The following GHITM variants were observed in gnomAD, a reference collection of about 807,000 sequenced individuals.
GHITM encodes the protein growth hormone inducible transmembrane protein.
A neutral mutation model predicts 38.7 loss-of-function variants in GHITM; 24 were observed. The ratio of observed to expected loss-of-function variants is 0.62; its 90% CI spans 0.45 to 0.87. The LOEUF (loss-of-function observed/expected upper bound fraction) is 0.87. Among genes scored for constraint, GHITM ranks in the 40% least tolerant of loss-of-function variants. The pLI is 0.00. For missense variants in GHITM, 420 were observed against 429.8 expected, an observed-to-expected ratio of 0.98 and a Z score of 0.20; for synonymous variants, 154 against 147.8, an observed-to-expected ratio of 1.04 and a Z score of -0.30.
intron 7 of GHITM, 126 bp from the exon 8 acceptor site, chr10:84,150,583 G>T: frequency 1.5e-6 from 1 of 681,226 alleles, no homozygotes; most frequent in Non-Finnish European, 2.4e-6. Flanking sequence ...GACAGTACAT[G>T]TACCCAGATG....
At chr10:84,142,832 A>G (rs1589274619) in intron 3 of GHITM, 78 bp downstream of exon 3, 1 of 694,218 alleles carries the variant, frequency 1.4e-6, no homozygotes, top group Non-Finnish European at 2.5e-6. Context: ...TCCTAAAAAT[A>G]TATGTGTATT....
At chr10:84,143,924 CTTGATAAATATTT>C in intron 3 of GHITM, 58 bp from the exon 4 acceptor site, 1 of 1,021,700 alleles carries the variant, frequency 9.8e-7, no homozygotes, top group Non-Finnish European at 1.6e-6. Flanking sequence ...ATTTGATTCC[CTTGATAAATATTT>C]TAAAGGCTTT....
At chr10:84,148,888 T>C in intron 6 of GHITM, 50 bp downstream of exon 6, 1 of 1,080,398 alleles carries the variant, frequency 9.3e-7, no homozygotes, top group Non-Finnish European at 1.4e-6. Flanking sequence ...ACCACCTTTT[T>C]TGGGTGGCTC....
intron 4 of GHITM, 124 bp from the exon 5 acceptor site, chr10:84,144,751 A>T (rs1259292099): frequency 1.8e-6 from 1 of 554,062 alleles, no homozygotes; most frequent in Non-Finnish European, 3.2e-6. Flanking sequence ...TATTTCCATG[A>T]TAAATGAAGT....
chr10:84,150,388 A>G lies in GHITM; in HGVS notation c.781+145A>G, dbSNP rs189937536. ...ATTTGACTGGATTTTACTACCTGAC[A>G]TCATATAAAAATCATGGCAACATGG... On this transcript the variant is annotated intron_variant, in intron 7 of 8. Coordinates refer to ENST00000372134, the MANE Select transcript of GHITM (RefSeq NM_014394.3). 6.5e-5 allele frequency: 43 copies of G among 656,774 alleles called. No individual in the cohort carries two copies. The East Asian group carries it at 1.2e-3, about 18-fold the overall frequency. 40.7% of individuals were successfully genotyped at this position (656,774 alleles called of 1,614,324 possible).
chr10:84,146,995 G>A (rs925832726), intron 5 of GHITM, among the ~76,000 whole-genome samples: 1 of 152,152 alleles, frequency 6.6e-6, no homozygotes, highest in Non-Finnish European at 1.5e-5. Context: ...TTTGAGATGA[G>A]ACAGTACCAG....
At chr10:84,151,027 G>C in intron 8 of GHITM, 147 bp downstream of exon 8, 1 of 557,546 alleles carries the variant, frequency 1.8e-6, no homozygotes, top group Non-Finnish European at 3.2e-6. Context: ...AACAAAACTT[G>C]ATTCTCTTGT....
In GHITM at chr10:84,150,771, G is replaced by A. The variant is rs762040867; in HGVS notation, c.844G>A (p.Gly282Ser). 11 of 1,612,510 alleles carry A rather than the reference G, an allele frequency of 6.8e-6. No homozygotes were observed. The highest frequency in any genetic ancestry group is 3.3e-5 in the Admixed American group (2 of 59,992). ...CACTCTTTACTCAGTGGCAATGTAC[G>A]GTGGATTAGTTCTTTTCAGCATGTT... The part of the protein sequence containing the change: ...GATLYSVAMY[G>S]GLVLFSMFLL... The change falls in exon 8 of 9, where the codon GGT becomes AGT. Residue 282 changes from glycine (G) to serine (S), a missense_variant. Gly to Ser is a moderately conservative substitution (Grantham distance 56). Transcript: ENST00000372134.
chr10:84,150,973 T>TC, intron 8 of GHITM, 93 bp downstream of exon 8: 1 of 818,326 alleles, frequency 1.2e-6, no homozygotes, highest in Non-Finnish European at 2.0e-6. Flanking sequence ...GTATTAGTTT[T>TC]CTAGGGATAC....
chr10:84,142,517 C>T, intron 2 of GHITM, 138 bp from the exon 3 acceptor site: 1 of 426,836 alleles, frequency 2.3e-6, no homozygotes, highest in Admixed American at 4.3e-5. Context: ...TAATAAATTT[C>T]CATAGTGAAG....
intron 7 of GHITM, 67 bp from the exon 8 acceptor site, chr10:84,150,642 A>G: frequency 7.8e-7 from 1 of 1,277,008 alleles, no homozygotes; most frequent in Non-Finnish European, 1.1e-6. Flanking sequence ...TAAGTAATAT[A>G]AATCATAAAC....
intron 5 of GHITM, 143 bp from the exon 6 acceptor site, chr10:84,148,587 C>G (rs1382891931): frequency 1.7e-6 from 1 of 600,240 alleles, no homozygotes; most frequent in Non-Finnish European, 3.0e-6. Flanking sequence ...TGAGCCACCA[C>G]GCCTGGCCTT....
intron 2 of GHITM, 119 bp downstream of exon 2, chr10:84,141,748 C>G (rs774573751): frequency 6.9e-6 from 6 of 868,442 alleles, no homozygotes; most frequent in Non-Finnish European, 1.1e-5. Flanking sequence ...TGATAATATC[C>G]CCAATCAGCT....
chr10:84,149,987 T>C, intron 6 of GHITM, 68 bp from the exon 7 acceptor site: 1 of 1,243,364 alleles, frequency 8.0e-7, no homozygotes, highest in Non-Finnish European at 1.1e-6. Flanking sequence ...AAGTGGCATG[T>C]TAGAAGTGAT....
chr10:84,146,196 G>A (rs1362343013), intron 5 of GHITM, among the ~76,000 whole-genome samples: 1 of 152,218 alleles, frequency 6.6e-6, no homozygotes, highest in Non-Finnish European at 1.5e-5. Flanking sequence ...TTTGAGGTCT[G>A]GAGGGTAAAG....
chr10:84,142,982 G>A (rs1323473183), intron 3 of GHITM, among the ~76,000 whole-genome samples: 2 of 152,006 alleles, frequency 1.3e-5, no homozygotes, highest in Non-Finnish European at 2.9e-5. Context: ...TAAAGAAAAG[G>A]ATTATTAATA....
chr10:84,145,916 C>T (rs375022504), intron 5 of GHITM, among the ~76,000 whole-genome samples: 33 of 152,098 alleles, frequency 2.2e-4, no homozygotes, highest in African/African-American at 7.7e-4. Context: ...GACAAGAGGG[C>T]CAGGTGCAGT....
chr10:84,152,404 A>G lies in GHITM; in HGVS notation c.*56A>G. 1.1e-6 allele frequency: 1 copy of G among 919,636 alleles called. No homozygotes were observed. Among genetic ancestry groups the G allele is most frequent in the East Asian group, 2.4e-5 (1 of 41,420 alleles). 57.0% of individuals were successfully genotyped at this position (919,636 alleles called of 1,614,324 possible). A position where few individuals can be genotyped will look rare whatever the true frequency, so the allele number is the denominator to read the frequency against. Reference sequence around the variant, plus strand: ...TCAAATATCTTGTTTAATGGGGCAGATATGCATTAAATAGTTTGTACAAGC... The same window carrying G: ...TCAAATATCTTGTTTAATGGGGCAGGTATGCATTAAATAGTTTGTACAAGC... On this transcript the variant is annotated 3_prime_UTR_variant, in exon 9 of 9. Coordinates refer to ENST00000372134, the MANE Select transcript of GHITM (RefSeq NM_014394.3).
At position 84,152,743 on chromosome 10, in the gene GHITM, T is replaced by C. The variant is rs1005421484; in HGVS notation, c.*395T>C. 1 of 157,792 alleles carries C rather than the reference T, an allele frequency of 6.3e-6. No individual in the cohort carries two copies. Among genetic ancestry groups the C allele is most frequent in the Non-Finnish European group, 1.4e-5 (1 of 71,564 alleles). 9.8% of individuals were successfully genotyped at this position (157,792 alleles called of 1,614,324 possible). On this transcript the variant is annotated 3_prime_UTR_variant, in exon 9 of 9. Coordinates refer to ENST00000372134, the MANE Select transcript of GHITM (RefSeq NM_014394.3). ...GTGCAGAATATTGTAATTAATGTCA[T>C]AAGTGATTTGGAGCTTTGGTAAAGG...
Sources: allele counts gnomAD v4.1 joint callset (sites outside exome capture counted in the v4.1 genomes callset), GRCh38; gene constraint gnomAD v4.1.1; transcripts MANE v1.5; gene names NCBI Gene and HGNC (gene_info 2026-07-23, HGNC 2026-07-21).